The following IGFL2 variants were observed in gnomAD, a reference collection of about 807,000 sequenced individuals.
IGFL2 encodes the protein IGF like family member 2, also known as insulin growth factor-like family member 2.
In IGFL2, 7 loss-of-function variants were observed where a neutral mutation model predicts 13.9. The observed-to-expected ratio is 0.51, with a 90% CI of 0.29 to 0.95. The LOEUF (loss-of-function observed/expected upper bound fraction) is 0.95. Among genes scored for constraint, IGFL2 ranks in the 40% least tolerant of loss-of-function variants. The pLI, the probability that IGFL2 is intolerant of heterozygous loss-of-function variation, is 0.08. For synonymous variants in IGFL2, 55 were observed against 55.8 expected (o/e 0.99, Z 0.07); for missense variants, 138 against 147.8 (o/e 0.93, Z 0.34).
the IGFL2 span, chr19:46,137,434 A>G: frequency 1.9e-5 from 19 of 1,020,228 alleles, no homozygotes; most frequent in Non-Finnish European, 2.6e-5. Context: ...GGACATTGTA[A>G]TGGTGCTCAT....
At chr19:46,215,340 C>T in the IGFL2 span, among the ~76,000 whole-genome samples, 9 of 151,868 alleles carry the variant, frequency 5.9e-5, no homozygotes, top group South Asian at 2.1e-4. Context: ...AATTTTTGAT[C>T]TAATAAATCT....
At chr19:46,206,338 G>A in the IGFL2 span, among the ~76,000 whole-genome samples, 1 of 152,182 alleles carries the variant, frequency 6.6e-6, no homozygotes, top group Non-Finnish European at 1.5e-5. Context: ...CCTCAGGAAT[G>A]TGCTTTTCTC....
chr19:46,161,084 C>T lies in IGFL2; in HGVS notation c.356C>T (p.Pro119Leu). ...TTTCTCTGTAGCAGAAGACGTTTTC[C>T]CTGAGAAGACATAGAAAGAAAATCA... ...SSKCESRRRFP is the reference protein window; with the variant it reads ...SSKCESRRRFL The change falls in exon 4 of 4, where the codon CCC (proline) becomes CTC (leucine). Residue 119 changes from proline (P) to leucine (L), a missense_variant. Pro to Leu is a moderately conservative substitution (Grantham distance 98). Coordinates refer to ENST00000377693, the MANE Select transcript of IGFL2 (RefSeq NM_001135113.2). 2 of 1,589,384 alleles carry T rather than the reference C, an allele frequency of 1.3e-6. No homozygotes were observed. The highest frequency in any genetic ancestry group is 8.6e-7 in the Non-Finnish European group (1 of 1,165,970).
At chr19:46,108,144 G>A in the IGFL2 span, among the ~76,000 whole-genome samples, 1 of 151,794 alleles carries the variant, frequency 6.6e-6, no homozygotes, top group African/African-American at 2.4e-5. Flanking sequence ...GGAGCAGCCT[G>A]GGGAGGAGGG....
chr19:46,092,639 CA>C, the IGFL2 span, among the ~76,000 whole-genome samples: 11 of 148,206 alleles, frequency 7.4e-5, no homozygotes, highest in East Asian at 2.0e-4. Flanking sequence ...GACCCTGTCT[CA>C]AAAAAAAAAT....
At chr19:46,178,593 T>C in the IGFL2 span, among the ~76,000 whole-genome samples, 5 of 152,228 alleles carry the variant, frequency 3.3e-5, no homozygotes, top group African/African-American at 7.2e-5. Flanking sequence ...CTATTCTCTC[T>C]GAAGCCTGCT....
chr19:46,101,707 T>C, the IGFL2 span, among the ~76,000 whole-genome samples: 1 of 152,192 alleles, frequency 6.6e-6, no homozygotes, highest in Non-Finnish European at 1.5e-5. Context: ...GTTGCAGTGA[T>C]GATGGCTGGC....
At chr19:46,118,722 C>CCA in the IGFL2 span, among the ~76,000 whole-genome samples, 1 of 152,150 alleles carries the variant, frequency 6.6e-6, no homozygotes, top group Admixed American at 6.5e-5. Context: ...CCAGGCACTC[C>CCA]CATGCACCCC....
At chr19:46,106,135 T>A in the IGFL2 span, among the ~76,000 whole-genome samples, 1 of 152,056 alleles carries the variant, frequency 6.6e-6, no homozygotes, top group Non-Finnish European at 1.5e-5. Flanking sequence ...TTTGGGAGAT[T>A]AGCCGGACAC....
the IGFL2 span, among the ~76,000 whole-genome samples, chr19:46,107,688 G>A: frequency 6.6e-6 from 1 of 152,180 alleles, no homozygotes; most frequent in Admixed American, 6.5e-5. Flanking sequence ...ACACCTTGAA[G>A]GCGAGGTTAA....
At chr19:46,111,046 C>G in the IGFL2 span, 1 of 152,146 alleles carries the variant, frequency 6.6e-6, no homozygotes, top group South Asian at 2.1e-4. Context: ...CTTTATTGCT[C>G]ATACCCCAGG....
At chr19:46,080,311 A>G in the IGFL2 span, among the ~76,000 whole-genome samples, 1 of 152,160 alleles carries the variant, frequency 6.6e-6, no homozygotes, top group Non-Finnish European at 1.5e-5. Context: ...AGATGGGAGA[A>G]TCACTTGAGG....
the IGFL2 span, chr19:46,198,179 A>C: frequency 6.7e-6 from 1 of 150,356 alleles, no homozygotes; most frequent in Non-Finnish European, 1.5e-5. Flanking sequence ...GTCTGATCAT[A>C]GCTAATTGCA....
chr19:46,084,809 T>G, the IGFL2 span, among the ~76,000 whole-genome samples: 1 of 152,224 alleles, frequency 6.6e-6, no homozygotes, highest in Non-Finnish European at 1.5e-5. Flanking sequence ...GGGTATTACA[T>G]TTCAACATGA....
chr19:46,195,183 T>C, the IGFL2 span: 1 of 151,774 alleles, frequency 6.6e-6, no homozygotes. Flanking sequence ...GCCAAGTTAA[T>C]TTTTGTATTT....
At chr19:46,097,388 CTGTT>C in the IGFL2 span, among the ~76,000 whole-genome samples, 1 of 152,080 alleles carries the variant, frequency 6.6e-6, no homozygotes, top group South Asian at 2.1e-4. Flanking sequence ...TTTATTGTGT[CTGTT>C]TGATTCTTCT....
upstream of IGFL2, among the ~76,000 whole-genome samples, chr19:46,142,225 C>A (rs183445080): frequency 6.6e-6 from 1 of 152,240 alleles, no homozygotes; most frequent in East Asian, 1.9e-4. Context: ...CCTTATCATG[C>A]CAAGTGAATC....
the IGFL2 span, among the ~76,000 whole-genome samples, chr19:46,116,042 G>T: frequency 1.3e-5 from 2 of 151,866 alleles, no homozygotes; most frequent in Admixed American, 1.3e-4. Context: ...GTTATAAGTG[G>T]GACTGTTAAT....
chr19:46,086,011 T>A, the IGFL2 span, among the ~76,000 whole-genome samples: 1 of 152,148 alleles, frequency 6.6e-6, no homozygotes, highest in African/African-American at 2.4e-5. Context: ...TTTAAATTAT[T>A]TTTTCTTTGT....
Sources: allele counts gnomAD v4.1 joint callset (sites outside exome capture counted in the v4.1 genomes callset), GRCh38; gene constraint gnomAD v4.1.1; transcripts MANE v1.5; gene names NCBI Gene and HGNC (gene_info 2026-07-23, HGNC 2026-07-21).